BMPR2: variants seen among roughly 807,000 people sequenced by gnomAD.
BMPR2 encodes bone morphogenetic protein receptor type-2.
In BMPR2, 29 loss-of-function variants were observed where a neutral mutation model predicts 100.8. The observed-to-expected ratio is 0.29, with a 90% CI of 0.21 to 0.39. The LOEUF is 0.39. BMPR2 is among the 10% of genes least tolerant of loss of function. The pLI is 1.00. For missense variants in BMPR2, 1,011 were observed against 1,274.5 expected (o/e 0.79, Z 3.15); for synonymous variants, 382 against 442.3 (o/e 0.86, Z 1.71).
intron 3 of BMPR2, among the ~76,000 whole-genome samples, chr2:202,499,202 G>T (rs1693105959): frequency 6.6e-6 from 1 of 152,184 alleles, no homozygotes; most frequent in Admixed American, 6.5e-5. Flanking sequence ...AGATGATCCT[G>T]ATAGGTACAT....
chr2:202,495,656 C>G lies in BMPR2; in HGVS notation c.419-18063C>G, dbSNP rs1693010070. 6.6e-6 allele frequency among the ~76,000 whole-genome samples: 1 copy of G among 152,116 alleles called. No individual in the cohort carries two copies. The highest frequency in any genetic ancestry group is 2.1e-4 in the South Asian group (1 of 4,828). Reference sequence around the variant, plus strand: ...GGGTGGAGCCCTAGTCAGGGACGCACCTTTCTCTACCCATTACTTACCTCC... The same window carrying G: ...GGGTGGAGCCCTAGTCAGGGACGCAGCTTTCTCTACCCATTACTTACCTCC... On this transcript the variant is annotated intron_variant, in intron 3 of 12. Coordinates refer to ENST00000374580, the MANE Select transcript of BMPR2 (RefSeq NM_001204.7). The surrounding 1 kb of genome is among the most constrained non-coding windows in gnomAD (Gnocchi z 4.5).
chr2:202,428,089 G>A (rs1206977737), intron 1 of BMPR2, among the ~76,000 whole-genome samples: 1 of 152,118 alleles, frequency 6.6e-6, no homozygotes, highest in Admixed American at 6.5e-5. Flanking sequence ...AGGGGTAACT[G>A]CAATTTCATT....
At chr2:202,484,699 G>T (rs767579362) in intron 3 of BMPR2, among the ~76,000 whole-genome samples, 2 of 147,680 alleles carry the variant, frequency 1.4e-5, no homozygotes, top group Admixed American at 1.4e-4. Flanking sequence ...GGGCGCGGTG[G>T]CTCACGCCTG....
intron 1 of BMPR2, among the ~76,000 whole-genome samples, chr2:202,426,978 C>T (rs1038570894): frequency 6.6e-6 from 1 of 152,186 alleles, no homozygotes; most frequent in Non-Finnish European, 1.5e-5. Flanking sequence ...TAAAGTTATT[C>T]AGGCGAGATA....
At chr2:202,492,700 CAAA>C (rs1166246933) in intron 3 of BMPR2, among the ~76,000 whole-genome samples, 3 of 52,796 alleles carry the variant, frequency 5.7e-5, no homozygotes, top group Admixed American at 2.8e-4. Context: ...AGCTCTGTCT[CAAA>C]AAAAAAAAAA....
At chr2:202,472,928 A>T (rs999364356) in intron 3 of BMPR2, among the ~76,000 whole-genome samples, 1 of 152,248 alleles carries the variant, frequency 6.6e-6, no homozygotes, top group Non-Finnish European at 1.5e-5. Flanking sequence ...AAAGTTGGCA[A>T]ACAAGATCAG....
chr2:202,556,228 G>T lies in BMPR2; in HGVS notation c.2563G>T (p.Asp855Tyr). ...GTTGCAGAATCAGTTTATTGGTGAG[G>T]ACACCCGGCTGAATATTAATTCCAG... is the stretch of plus-strand genomic sequence containing the variant. Reference protein sequence around the residue: ...EMLQNQFIGEDTRLNINSSPD... With the variant: ...EMLQNQFIGEYTRLNINSSPD... The change falls in exon 12 of 13, where the codon GAC becomes TAC. Residue 855 changes from aspartate (D) to tyrosine (Y), a missense_variant. By Grantham distance (160) the Asp-to-Tyr change is radical. This residue lies in a region of BMPR2 where 508 missense variants were observed against 552.0 expected (regional missense o/e 0.92). Transcript: ENST00000374580. The T allele has an allele frequency of 6.2e-7, 1 of 1,613,140 alleles. No homozygotes were observed. The highest frequency in any genetic ancestry group is 8.5e-7 in the Non-Finnish European group (1 of 1,179,132).
intron 3 of BMPR2, among the ~76,000 whole-genome samples, chr2:202,478,489 G>C (rs373928331): frequency 6.6e-6 from 1 of 152,302 alleles, no homozygotes; most frequent in South Asian, 2.1e-4. Context: ...GCATGTGCCC[G>C]TACTTCCAAA....
At chr2:202,462,793 A>G (rs1409048951) in intron 1 of BMPR2, among the ~76,000 whole-genome samples, 3 of 151,714 alleles carry the variant, frequency 2.0e-5, no homozygotes, top group Non-Finnish European at 4.4e-5. Flanking sequence ...GCTCACTGCA[A>G]CCTACACCTC....
chr2:202,542,259 A>T, intron 9 of BMPR2, 52 bp from the exon 10 acceptor site: 1 of 1,603,110 alleles, frequency 6.2e-7, no homozygotes, highest in African/African-American at 1.3e-5. Context: ...TTATTCTATC[A>T]TTTATGATAG....
chr2:202,484,358 CCCTTCCTTCTTT>C (rs1320567217), intron 3 of BMPR2, among the ~76,000 whole-genome samples: 3 of 147,980 alleles, frequency 2.0e-5, no homozygotes, highest in South Asian at 2.2e-4. Flanking sequence ...CTCCCTCCCT[CCCTTCCTTCTTT>C]CCTTCCTTCC....
intron 10 of BMPR2, among the ~76,000 whole-genome samples, chr2:202,551,059 C>T (rs1381364620): frequency 6.9e-6 from 1 of 145,078 alleles, no homozygotes; most frequent in East Asian, 2.0e-4. Flanking sequence ...TGGGTTCAAG[C>T]AATTTTCCTG....
At chr2:202,496,799 C>G (rs1693040362) in intron 3 of BMPR2, among the ~76,000 whole-genome samples, 1 of 152,272 alleles carries the variant, frequency 6.6e-6, no homozygotes, top group African/African-American at 2.4e-5. Flanking sequence ...CCTGGGCTCC[C>G]ACTTTGGCAG....
chr2:202,508,070 C>CTATTATTATTAT (rs4032712), intron 3 of BMPR2, among the ~76,000 whole-genome samples: 1 of 139,774 alleles, frequency 7.2e-6, no homozygotes, highest in East Asian at 2.1e-4. Flanking sequence ...TCATTTGAGG[C>CTATTATTATTAT]TATTATTATT....
At chr2:202,521,862 A>G (rs1687824276) in intron 7 of BMPR2, among the ~76,000 whole-genome samples, 1 of 152,174 alleles carries the variant, frequency 6.6e-6, no homozygotes, top group Non-Finnish European at 1.5e-5. Context: ...GAAGAATAAG[A>G]GAAAGAACTT....
At chr2:202,492,338 CTTATACA>C (rs942092186) in intron 3 of BMPR2, among the ~76,000 whole-genome samples, 1 of 151,666 alleles carries the variant, frequency 6.6e-6, no homozygotes, top group African/African-American at 2.4e-5. Flanking sequence ...GTGTATAATG[CTTATACA>C]TTATACACGA....
chr2:202,420,044 A>T (rs1691227069), intron 1 of BMPR2, among the ~76,000 whole-genome samples: 1 of 152,084 alleles, frequency 6.6e-6, no homozygotes, highest in Admixed American at 6.6e-5. Flanking sequence ...GAATGGAATG[A>T]TAGTCATTTG....
At chr2:202,450,313 T>A (rs1163502779) in intron 1 of BMPR2, among the ~76,000 whole-genome samples, 7 of 152,178 alleles carry the variant, frequency 4.6e-5, no homozygotes, top group Non-Finnish European at 8.8e-5. Flanking sequence ...AAAATGATAA[T>A]TTAATCTGTT....
intron 3 of BMPR2, chr2:202,469,630 C>T: frequency 5.6e-6 from 1 of 177,384 alleles, no homozygotes; most frequent in South Asian, 9.9e-5. Flanking sequence ...AGGTGTCTGC[C>T]ACCACACCCA....
Sources: allele counts gnomAD v4.1 joint callset (sites outside exome capture counted in the v4.1 genomes callset), GRCh38; gene constraint gnomAD v4.1.1; regional missense constraint gnomAD v4.1.1; non-coding constraint Gnocchi (gnomAD v3.1); transcripts MANE v1.5; gene names NCBI Gene and HGNC (gene_info 2026-07-23, HGNC 2026-07-21).